Variants in FBXW4 observed in about 807,000 individuals in gnomAD.
The protein encoded by FBXW4 is F-box/WD repeat-containing protein 4.
FBXW4 carries 40 observed loss-of-function variants against 61.8 expected under a neutral mutation model. That is an observed-to-expected ratio of 0.65 (90% CI 0.50 to 0.84). The LOEUF is 0.84. Ranked by LOEUF, FBXW4 falls within the 40% of genes least tolerant of loss-of-function variation. FBXW4 has a pLI of 0.00. For missense variants in FBXW4, 672 were observed against 753.8 expected (o/e 0.89, Z 1.27); for synonymous variants, 311 against 313.8 (o/e 0.99, Z 0.10).
chr10:101,614,601 C>T (rs1281427753), intron 6 of FBXW4, among the ~76,000 whole-genome samples: 2 of 152,204 alleles, frequency 1.3e-5, no homozygotes, highest in Non-Finnish European at 2.9e-5. Flanking sequence ...CTGCTCTGCC[C>T]GCACAGCCTG....
intron 5 of FBXW4, among the ~76,000 whole-genome samples, chr10:101,654,347 C>CTT (rs1564915718): frequency 1.3e-5 from 2 of 151,926 alleles, no homozygotes; most frequent in Non-Finnish European, 2.9e-5. Flanking sequence ...GAATTGTACA[C>CTT]TTAAATTGTA....
chr10:101,646,584 G>T (rs1306665685), intron 5 of FBXW4, among the ~76,000 whole-genome samples: 1 of 152,228 alleles, frequency 6.6e-6, no homozygotes, highest in Non-Finnish European at 1.5e-5. Flanking sequence ...CAGACTGTGA[G>T]GCAGCCGGGA....
intron 6 of FBXW4, among the ~76,000 whole-genome samples, chr10:101,621,451 C>G (rs921963295): frequency 2.0e-5 from 3 of 152,066 alleles, no homozygotes; most frequent in African/African-American, 7.2e-5. Context: ...CCATTTGAGC[C>G]CAGGAGTTCA....
At chr10:101,681,392 A>ATAATAAT (rs1564925919) in intron 1 of FBXW4, among the ~76,000 whole-genome samples, 1 of 130,354 alleles carries the variant, frequency 7.7e-6, no homozygotes, top group African/African-American at 3.0e-5. Flanking sequence ...CCGTCTCAAA[A>ATAATAAT]AAAAAAAATA....
At chr10:101,625,214 C>T (rs759945810) in intron 5 of FBXW4, 3 of 210,572 alleles carry the variant, frequency 1.4e-5, no homozygotes, top group Non-Finnish European at 2.9e-5. Context: ...GTTGCTGGGG[C>T]TGGAAGGTGC....
At chr10:101,622,700 C>A in intron 6 of FBXW4, among the ~76,000 whole-genome samples, 1 of 139,864 alleles carries the variant, frequency 7.1e-6, no homozygotes, top group Admixed American at 7.6e-5. Context: ...TGCACTCCAG[C>A]CTGGGCGACA....
Position 101,676,287 on chromosome 10 carries a change from T to C in FBXW4, c.821+54A>G, listed in dbSNP as rs780858814. On this transcript the variant is annotated intron_variant, in intron 2 of 8. Transcript: ENST00000331272. ...CTATGTAGGACCAGATTTTTTACTT[T>C]CCATTATGCTTTTATGTCCCAAGTA... 3 of 1,511,028 alleles carry C rather than the reference T, an allele frequency of 2.0e-6. No homozygotes were observed. In the South Asian group the frequency reaches 3.4e-5, roughly 17 times the overall value. 93.6% of individuals were successfully genotyped at this position (1,511,028 alleles called of 1,614,324 possible). A position where few individuals can be genotyped will look rare whatever the true frequency, so the allele number is the denominator to read the frequency against.
At chr10:101,681,857 T>C (rs1328196044) in intron 1 of FBXW4, among the ~76,000 whole-genome samples, 1 of 151,960 alleles carries the variant, frequency 6.6e-6, no homozygotes, top group East Asian at 1.9e-4. Context: ...TATTTACCTT[T>C]AACTAAAGAG....
intron 5 of FBXW4, among the ~76,000 whole-genome samples, chr10:101,642,767 C>T (rs190109730): frequency 2.6e-5 from 4 of 152,342 alleles, no homozygotes; most frequent in African/African-American, 4.8e-5. Flanking sequence ...AGGCCAAACA[C>T]ATCATGAGCC....
chr10:101,615,884 C>T (rs981385300), intron 6 of FBXW4, among the ~76,000 whole-genome samples: 5 of 152,172 alleles, frequency 3.3e-5, no homozygotes, highest in African/African-American at 1.2e-4. Flanking sequence ...AGCCTGGTGC[C>T]CTGCTGCACT....
intron 5 of FBXW4, among the ~76,000 whole-genome samples, chr10:101,656,457 T>C (rs768594090): frequency 2.6e-5 from 4 of 152,214 alleles, no homozygotes; most frequent in East Asian, 1.9e-4. Flanking sequence ...AGAGAACACA[T>C]AAATGAGCCT....
rs1305271915 is a variant in FBXW4, at chr10:101,611,291, T to A, written c.1704A>T (p.Ter568CysextTer39). The part of the protein sequence containing the change: ...NLHVLDFQNP[*>C] ...CCAGAGGCAGGGGTGGCCCTGACGGTCATGGGTTTTGAAAATCCAGGACGT... is the reference window on the plus strand; with the variant it reads ...CCAGAGGCAGGGGTGGCCCTGACGGACATGGGTTTTGAAAATCCAGGACGT... Residue 568 changes from the stop codon to cysteine (C), a stop_lost, in exon 9 of 9, where the codon TGA (stop) becomes TGT (cysteine). Transcript: ENST00000331272. The surrounding 1 kb of genome is among the most constrained non-coding windows in gnomAD (Gnocchi z 4.9). 9 of 1,612,942 alleles carry A rather than the reference T, an allele frequency of 5.6e-6. No individual in the cohort carries two copies. Among genetic ancestry groups the A allele is most frequent in the Non-Finnish European group, 7.6e-6 (9 of 1,179,682 alleles).
chr10:101,636,645 TGGTGCAATCTC>T (rs2064004365), intron 5 of FBXW4, among the ~76,000 whole-genome samples: 2 of 151,776 alleles, frequency 1.3e-5, no homozygotes, highest in South Asian at 4.2e-4. Flanking sequence ...TGGAGTGTAA[TGGTGCAATCTC>T]GGCTCTCTGC....
rs1184337433 is a variant in FBXW4, at chr10:101,611,641, C to T, written c.1571G>A (p.Arg524Lys). Residue 524 changes from arginine (R) to lysine (K), a missense_variant, in exon 8 of 9, where the codon AGG (arginine) becomes AAG (lysine). Around this residue, in one of 5 missense-constraint regions of FBXW4, gnomAD observed 312 missense variants for 370.1 expected, o/e 0.84. Transcript: ENST00000331272. The surrounding 1 kb of genome is among the most constrained non-coding windows in gnomAD (Gnocchi z 4.9). The stretch of plus-strand genomic sequence containing the variant: ...CAGGACACTTACGTGCAGGCAGGCC[C>T]TTTGACGCCGGTCCCACAGCCGTAC... ...GVVRLWDRRQ[R>K]ACLHAFPLTS... 5 of 1,614,088 alleles carry T rather than the reference C, an allele frequency of 3.1e-6. No homozygotes were observed. Among genetic ancestry groups the T allele is most frequent in the Non-Finnish European group, 4.2e-6 (5 of 1,180,030 alleles).
chr10:101,648,816 C>T (rs1384077036), intron 5 of FBXW4, among the ~76,000 whole-genome samples: 2 of 152,168 alleles, frequency 1.3e-5, no homozygotes, highest in African/African-American at 4.8e-5. Context: ...GTTTTCTGAT[C>T]AGTATTGTTC....
At chr10:101,643,435 C>T (rs2064070658) in intron 5 of FBXW4, among the ~76,000 whole-genome samples, 1 of 152,238 alleles carries the variant, frequency 6.6e-6, no homozygotes, top group Admixed American at 6.5e-5. Context: ...CCTTGCCATC[C>T]TTTGCTGAGA....
intron 5 of FBXW4, among the ~76,000 whole-genome samples, chr10:101,661,124 C>T (rs759940015): frequency 7.2e-5 from 11 of 152,228 alleles, no homozygotes; most frequent in Non-Finnish European, 1.2e-4. Context: ...GACACATCAA[C>T]TCTGTATCCA....
At position 101,611,246 on chromosome 10, in the gene FBXW4, G is replaced by A. The variant is rs779019249; in HGVS notation, c.*45C>T. On this transcript the variant is annotated 3_prime_UTR_variant, in exon 9 of 9. Coordinates refer to ENST00000331272, the MANE Select transcript of FBXW4 (RefSeq NM_022039.4). The surrounding 1 kb of genome is among the most constrained non-coding windows in gnomAD (Gnocchi z 4.9). ...CACCCTCCAGGCAAGAGAAGTCCCT[G>A]AGTAGCTGGTTTCCCTGGCCCAGAG... The A allele has an allele frequency of 6.2e-7, 1 of 1,600,072 alleles. No homozygotes were observed. The highest frequency in any genetic ancestry group is 1.1e-5 in the South Asian group (1 of 87,980).
At chr10:101,689,880 A>G (rs2064575331) in intron 1 of FBXW4, among the ~76,000 whole-genome samples, 1 of 152,202 alleles carries the variant, frequency 6.6e-6, no homozygotes. Context: ...GGACCCCTCC[A>G]CAGGAATGAA....
Sources: allele counts gnomAD v4.1 joint callset (sites outside exome capture counted in the v4.1 genomes callset), GRCh38; gene constraint gnomAD v4.1.1; regional missense constraint gnomAD v4.1.1; non-coding constraint Gnocchi (gnomAD v3.1); transcripts MANE v1.5; gene names NCBI Gene and HGNC (gene_info 2026-07-23, HGNC 2026-07-21).